MYO5A: variants seen among roughly 807,000 people sequenced by gnomAD.
The protein encoded by MYO5A is myosin VA.
MYO5A carries 98 observed loss-of-function variants against 249.7 expected under a neutral mutation model. The ratio of observed to expected loss-of-function variants is 0.39; its 90% CI spans 0.33 to 0.46. MYO5A has a LOEUF of 0.46. MYO5A is among the 20% of genes least tolerant of loss of function. The pLI is 0.98. For missense variants in MYO5A, 1,696 were observed against 2,308.8 expected (o/e 0.73, Z 5.44); for synonymous variants, 778 against 810.6 (o/e 0.96, Z 0.68).
chr15:52,462,071 A>C (rs2076262111), intron 1 of MYO5A, among the ~76,000 whole-genome samples: 1 of 149,932 alleles, frequency 6.7e-6, no homozygotes, highest in Non-Finnish European at 1.5e-5. Context: ...AGACCATCCC[A>C]ACTAACACAC....
chr15:52,504,819 G>A (rs1322727316), intron 1 of MYO5A, among the ~76,000 whole-genome samples: 2 of 151,826 alleles, frequency 1.3e-5, no homozygotes, highest in African/African-American at 4.8e-5. Context: ...GACCCAGCAG[G>A]CAGAGGTTGC....
chr15:52,445,304 T>C (rs1411311653), intron 1 of MYO5A, among the ~76,000 whole-genome samples: 4 of 152,160 alleles, frequency 2.6e-5, no homozygotes, highest in Non-Finnish European at 1.5e-5. Context: ...ATGTGATGTG[T>C]CTGCTCCTGC....
At chr15:52,342,885 C>T (rs541974335) in intron 31 of MYO5A, among the ~76,000 whole-genome samples, 35 of 151,390 alleles carry the variant, frequency 2.3e-4, no homozygotes, top group African/African-American at 8.3e-4. Flanking sequence ...CACTGCACTC[C>T]AGCCTAGGCA....
intron 9 of MYO5A, among the ~76,000 whole-genome samples, chr15:52,402,285 C>A (rs1368649897): frequency 6.6e-6 from 1 of 152,172 alleles, no homozygotes; most frequent in African/African-American, 2.4e-5. Flanking sequence ...TAGTTTTCTG[C>A]CTCTACTTGG....
intron 1 of MYO5A, among the ~76,000 whole-genome samples, chr15:52,504,753 G>T (rs1363494850): frequency 6.6e-6 from 1 of 152,150 alleles, no homozygotes; most frequent in African/African-American, 2.4e-5. Flanking sequence ...AGCCGGGCAT[G>T]GTGGCGGGCA....
In MYO5A at chr15:52,346,395, C is replaced by T; in HGVS notation, c.3925G>A (p.Ala1309Thr). 1 of 1,606,252 alleles carries T rather than the reference C, an allele frequency of 6.2e-7. No homozygotes were observed. Among genetic ancestry groups the T allele is most frequent in the Non-Finnish European group, 8.5e-7 (1 of 1,173,338 alleles). ...VQKMKDKGEIAQAYIGLKETN... is the reference protein window; with the variant it reads ...VQKMKDKGEITQAYIGLKETN... Reference sequence around the variant, plus strand: ...TCTTTCAAACCAATGTATGCTTGTGCTATTTCACCTTTATCTTTCATTTTT... The same window carrying T: ...TCTTTCAAACCAATGTATGCTTGTGTTATTTCACCTTTATCTTTCATTTTT... Residue 1309 changes from alanine to threonine, a missense_variant, in exon 30 of 42, where the codon GCA (alanine) becomes ACA (threonine). Physicochemically the swap from Ala to Thr is moderately conservative, Grantham distance 58. Transcript: ENST00000399233.
intron 38 of MYO5A, among the ~76,000 whole-genome samples, chr15:52,320,575 C>G (rs190316792): frequency 6.6e-6 from 1 of 152,282 alleles, no homozygotes; most frequent in East Asian, 1.9e-4. Flanking sequence ...GCTTCTTCAG[C>G]TTTTGATGTC....
chr15:52,433,947 C>T (rs1403391669), intron 1 of MYO5A, among the ~76,000 whole-genome samples: 1 of 151,522 alleles, frequency 6.6e-6, no homozygotes, highest in African/African-American at 2.4e-5. Context: ...AACAGCACTG[C>T]CATCTTTTTA....
intron 1 of MYO5A, among the ~76,000 whole-genome samples, chr15:52,470,896 G>A (rs2076450832): frequency 1.3e-5 from 2 of 150,528 alleles, no homozygotes; most frequent in Non-Finnish European, 3.0e-5. Context: ...GGTGACAGGC[G>A]CCTGTAGTCC....
At chr15:52,412,529 G>A (rs1325726342) in intron 5 of MYO5A, among the ~76,000 whole-genome samples, 1 of 152,126 alleles carries the variant, frequency 6.6e-6, no homozygotes, top group Admixed American at 6.5e-5. Context: ...AATGTAAATT[G>A]ACTAGGATAG....
chr15:52,375,626 T>C (rs1333466323), intron 19 of MYO5A, among the ~76,000 whole-genome samples, 166 bp from the exon 20 acceptor site: 1 of 152,248 alleles, frequency 6.6e-6, no homozygotes, highest in East Asian at 1.9e-4. Flanking sequence ...CTTACATTTG[T>C]ATAGCAATTT....
intron 4 of MYO5A, among the ~76,000 whole-genome samples, chr15:52,423,602 T>C (rs562149971): frequency 1.3e-5 from 2 of 152,022 alleles, no homozygotes; most frequent in South Asian, 4.2e-4. Flanking sequence ...GCAGCAGTTA[T>C]TTCTGACTGT....
chr15:52,476,362 T>A (rs2043479585), intron 1 of MYO5A, among the ~76,000 whole-genome samples: 1 of 152,220 alleles, frequency 6.6e-6, no homozygotes, highest in Admixed American at 6.5e-5. Context: ...CCAGTCTGTG[T>A]CTTTTAATTG....
intron 1 of MYO5A, among the ~76,000 whole-genome samples, chr15:52,495,052 AT>A (rs1442093128): frequency 3.3e-5 from 5 of 152,216 alleles, no homozygotes; most frequent in African/African-American, 1.2e-4. Flanking sequence ...ATATATCCAT[AT>A]TTTTTGACAT....
At chr15:52,486,740 G>A (rs2076828523) in intron 1 of MYO5A, among the ~76,000 whole-genome samples, 1 of 152,186 alleles carries the variant, frequency 6.6e-6, no homozygotes, top group African/African-American at 2.4e-5. Context: ...TTTCTCCTTT[G>A]TTGCTTCACT....
chr15:52,439,107 T>C (rs946556927), intron 1 of MYO5A, among the ~76,000 whole-genome samples: 2 of 152,190 alleles, frequency 1.3e-5, no homozygotes, highest in Non-Finnish European at 2.9e-5. Flanking sequence ...GCTATAACAC[T>C]CACCGCATGG....
At position 52,359,980 on chromosome 15, in the gene MYO5A, T is replaced by A. The variant is rs768188687; in HGVS notation, c.3411A>T (p.Pro1137=). 5.6e-6 allele frequency: 9 copies of A among 1,608,452 alleles called. No individual in the cohort carries two copies. Among genetic ancestry groups the A allele is most frequent in the Non-Finnish European group, 7.7e-6 (9 of 1,175,424 alleles). Residue 1137 remains proline, a synonymous_variant, in exon 25 of 42, where the codon CCA becomes CCT. Transcript: ENST00000399233. ...SSEIAEMEDI[P]SRTEEPSEKK... ...GTCTAAACTGTACCTCTGTCCTTGA[T>A]GGAATGTCTTCCATTTCTGCAATTT... is the stretch of plus-strand genomic sequence containing the variant.
At chr15:52,315,511 AT>A (rs1410958505) in intron 40 of MYO5A, among the ~76,000 whole-genome samples, 1 of 151,538 alleles carries the variant, frequency 6.6e-6, no homozygotes, top group African/African-American at 2.4e-5. Context: ...AGTAGCTGGG[AT>A]TACAGGCACC....
At chr15:52,493,964 A>T (rs2076986786) in intron 1 of MYO5A, among the ~76,000 whole-genome samples, 1 of 152,234 alleles carries the variant, frequency 6.6e-6, no homozygotes, top group Non-Finnish European at 1.5e-5. Context: ...AGAGTAGAAA[A>T]AAACAACTAA....
Sources: allele counts gnomAD v4.1 joint callset (sites outside exome capture counted in the v4.1 genomes callset), GRCh38; gene constraint gnomAD v4.1.1; transcripts MANE v1.5; gene names NCBI Gene and HGNC (gene_info 2026-07-23, HGNC 2026-07-21).